The following OGG1 variants were observed in gnomAD, a reference collection of about 807,000 sequenced individuals.
OGG1 encodes N-glycosylase/DNA lyase.
A neutral mutation model predicts 42.3 loss-of-function variants in OGG1; 35 were observed. That is an observed-to-expected ratio of 0.83 (90% CI 0.63 to 1.10). The LOEUF is 1.10. Among genes scored for constraint, OGG1 ranks in the 50% least tolerant of loss-of-function variants. The probability of loss-of-function intolerance (pLI) is 0.00; values close to 1 mark genes in which losing one functional copy is unlikely to be tolerated. For synonymous variants in OGG1, 189 were observed against 179.0 expected (o/e 1.06, Z -0.44); for missense variants, 484 against 446.7 (o/e 1.08, Z -0.75).
Position 9,754,764 on chromosome 3 carries a change from G to A in OGG1, c.626G>A (p.Ser209Asn), listed in dbSNP as rs2077459399. 6.2e-7 allele frequency: 1 copy of A among 1,614,046 alleles called. No individual in the cohort carries two copies. The highest frequency in any genetic ancestry group is 1.3e-5 in the African/African-American group (1 of 74,950). ...LGLGYRARYV[S>N]ASARAILEEQ... ...CTGGGCTATCGTGCCCGTTACGTGA[G>A]TGCCAGTGCCCGAGCCATCCTGGAA... Residue 209 changes from serine to asparagine, a missense_variant, in exon 4 of 7, where the codon AGT (serine) becomes AAT (asparagine). Ser to Asn is a conservative substitution (Grantham distance 46). Transcript: ENST00000344629.
downstream of OGG1, among the ~76,000 whole-genome samples, chr3:9,767,000 C>G (rs923903363): frequency 6.6e-6 from 1 of 152,144 alleles, no homozygotes; most frequent in Non-Finnish European, 1.5e-5. Flanking sequence ...ACTCTCCCCC[C>G]AGCCTGTGAT....
chr3:9,775,905 G>T (rs745872210), intron 2 of OGG1, among the ~76,000 whole-genome samples: 8 of 152,178 alleles, frequency 5.3e-5, no homozygotes, highest in South Asian at 2.1e-4. Context: ...CTCCCAAAGT[G>T]CTGGGATTAC....
At chr3:9,790,062 C>T, downstream of OGG1, 1 of 1,405,620 alleles carries the variant, frequency 7.1e-7, no homozygotes, top group Non-Finnish European at 9.4e-7. Context: ...TACAGAGGCT[C>T]CTGGGTCTTT....
At chr3:9,780,653 G>A (rs2078438080) in intron 2 of OGG1, 1 of 1,227,672 alleles carries the variant, frequency 8.1e-7, no homozygotes, top group Non-Finnish European at 1.1e-6. Context: ...TGGCATGCCT[G>A]TGGATTGTGT....
intron 3 of OGG1, chr3:9,783,844 T>C: frequency 9.1e-7 from 1 of 1,096,142 alleles, no homozygotes; most frequent in South Asian, 2.0e-5. Flanking sequence ...CCCCACTCTG[T>C]GGAATCAGAA....
chr3:9,787,660 CACGGGTG>C, intron 3 of OGG1: 1 of 1,381,414 alleles, frequency 7.2e-7, no homozygotes, highest in Non-Finnish European at 9.5e-7. Context: ...GCCTTCAGGT[CACGGGTG>C]ACAGGGAATT....
chr3:9,761,732 A>T, downstream of OGG1: 1 of 1,614,142 alleles, frequency 6.2e-7, no homozygotes, highest in Non-Finnish European at 8.5e-7. Flanking sequence ...GTCTTCATCC[A>T]GGCTGTAGTA....
chr3:9,760,907 T>C, downstream of OGG1: 2 of 1,261,026 alleles, frequency 1.6e-6, no homozygotes, highest in Non-Finnish European at 2.2e-6. Flanking sequence ...CCCTGCCTGC[T>C]CACTCCTGTT....
chr3:9,772,554 G>A (rs1481736673), intron 2 of OGG1, among the ~76,000 whole-genome samples: 1 of 152,180 alleles, frequency 6.6e-6, no homozygotes, highest in African/African-American at 2.4e-5. Context: ...TAGTTGGCAG[G>A]AAACATGGAG....
intron 2 of OGG1, among the ~76,000 whole-genome samples, chr3:9,776,758 C>A (rs1256397945): frequency 6.6e-6 from 1 of 152,050 alleles, no homozygotes. Context: ...ATTTCTGGAG[C>A]CTTAGTCACC....
chr3:9,761,479 C>T (rs2077869183), downstream of OGG1: 1 of 1,612,976 alleles, frequency 6.2e-7, no homozygotes, highest in Non-Finnish European at 8.5e-7. Flanking sequence ...GGCGATGACA[C>T]CTATGGACCA....
At position 9,751,798 on chromosome 3, in the gene OGG1, C is replaced by A. The variant is rs745763093; in HGVS notation, c.414C>A (p.Ile138=). The A allele has an allele frequency of 2.4e-5, 39 of 1,614,094 alleles. No homozygotes were observed. The highest frequency in any genetic ancestry group is 3.2e-5 in the Non-Finnish European group (38 of 1,180,052). ...TGCGACTGCTGCGACAAGACCCCATCGAATGCCTTTTCTCTTTTATCTGTT... is the reference window on the plus strand; with the variant it reads ...TGCGACTGCTGCGACAAGACCCCATAGAATGCCTTTTCTCTTTTATCTGTT... ...QGVRLLRQDP[I]ECLFSFICSS... Residue 138 remains isoleucine, a synonymous_variant, in exon 3 of 7, where the codon ATC becomes ATA. Coordinates refer to ENST00000344629, the MANE Select transcript of OGG1 (RefSeq NM_002542.6).
chr3:9,756,270 C>A (rs1402901467), intron 4 of OGG1, among the ~76,000 whole-genome samples: 2 of 152,118 alleles, frequency 1.3e-5, no homozygotes, highest in Non-Finnish European at 2.9e-5. Flanking sequence ...CCAGTGCACT[C>A]CAGCCTAGGC....
chr3:9,758,970 C>G, downstream of OGG1: 1 of 548,734 alleles, frequency 1.8e-6, no homozygotes, highest in Non-Finnish European at 3.3e-6. Flanking sequence ...GCCTAAGATT[C>G]TTCTGGGGCT....
At chr3:9,760,794 T>A, downstream of OGG1, 2 of 1,613,434 alleles carry the variant, frequency 1.2e-6, no homozygotes, top group South Asian at 2.2e-5. Context: ...CTCATCCTCA[T>A]TTCCACTTTC....
chr3:9,756,922 C>A, intron 6 of OGG1, 106 bp downstream of exon 6: 1 of 1,612,036 alleles, frequency 6.2e-7, no homozygotes, highest in Non-Finnish European at 8.5e-7. Context: ...TCCAGCCACC[C>A]CTGTCCCAAC....
chr3:9,775,181 A>C (rs992978365), intron 2 of OGG1, among the ~76,000 whole-genome samples: 3 of 152,072 alleles, frequency 2.0e-5, no homozygotes, highest in Non-Finnish European at 2.9e-5. Context: ...CTGAGGTTGC[A>C]GTGATTTAGA....
intron 4 of OGG1, 36 bp from the exon 5 acceptor site, chr3:9,756,435 C>G: frequency 6.2e-7 from 1 of 1,613,272 alleles, no homozygotes; most frequent in Non-Finnish European, 8.5e-7. Flanking sequence ...ACATGCTGCC[C>G]TTCTTCCACA....
downstream of OGG1, chr3:9,789,413 GA>G: frequency 8.7e-7 from 1 of 1,153,788 alleles, no homozygotes; most frequent in Non-Finnish European, 1.2e-6. Flanking sequence ...CAGGGTTGGG[GA>G]AGGAAGATGA....
Sources: gnomAD v4.1 joint callset for allele counts (sites outside exome capture counted in the v4.1 genomes callset) on GRCh38, gnomAD v4.1.1 for gene constraint, MANE v1.5 for transcripts, NCBI Gene and HGNC (gene_info 2026-07-23, HGNC 2026-07-21) for gene names.